MYO6: variants seen among roughly 807,000 people sequenced by gnomAD.
The protein encoded by MYO6 is unconventional myosin-VI.
Under a neutral mutation model 178.7 loss-of-function variants are expected in MYO6, and 74 were observed. That is an observed-to-expected ratio of 0.41 (90% confidence interval 0.34 to 0.50). MYO6 has a LOEUF of 0.50. MYO6 is among the 20% of genes least tolerant of loss of function. The pLI is 0.09. For synonymous variants in MYO6, 477 were observed against 504.6 expected (o/e 0.95, Z 0.73); for missense variants, 1,330 against 1,547.4 (o/e 0.86, Z 2.36).
At position 75,793,159 on chromosome 6, in the gene MYO6, GA is replaced by G. The variant is rs1768417861; in HGVS notation, c.-47-24338del. On this transcript the variant is annotated intron_variant, in intron 1 of 34. Coordinates refer to ENST00000369977, the MANE Select transcript of MYO6 (RefSeq NM_004999.4). ...GGGATTAGTCCTGTTTCCCCTTAGG[GA>G]AAATATTTCCAATTTTATAATGAAA... Among the ~76,000 whole-genome samples, 3 of 152,092 alleles carry G rather than the reference GA, an allele frequency of 2.0e-5. No homozygotes were observed. In the South Asian group the frequency reaches 6.2e-4, roughly 31 times the overall value.
At chr6:75,760,660 G>A (rs1226858665) in intron 1 of MYO6, among the ~76,000 whole-genome samples, 4 of 151,212 alleles carry the variant, frequency 2.6e-5, no homozygotes, top group Admixed American at 1.3e-4. Context: ...TTTTTAGAGA[G>A]TATGGTGAAA....
intron 1 of MYO6, among the ~76,000 whole-genome samples, chr6:75,750,117 A>G (rs1278288440): frequency 7.3e-6 from 1 of 136,776 alleles, no homozygotes; most frequent in Non-Finnish European, 1.6e-5. Flanking sequence ...TTTTTTTGAG[A>G]CGGAGCCTTG....
intron 30 of MYO6, among the ~76,000 whole-genome samples, chr6:75,900,752 T>C (rs1380486056): frequency 6.6e-6 from 1 of 151,912 alleles, no homozygotes; most frequent in Non-Finnish European, 1.5e-5. Flanking sequence ...ATCCCATTTG[T>C]CAATTTTGGC....
At chr6:75,821,105 G>A (rs571836752) in intron 2 of MYO6, among the ~76,000 whole-genome samples, 178 of 152,236 alleles carry the variant, frequency 1.2e-3, no homozygotes, top group African/African-American at 4.2e-3. Context: ...AATAAAGAAG[G>A]AGGGAGAGAA....
intron 1 of MYO6, among the ~76,000 whole-genome samples, chr6:75,803,209 T>C (rs1769665821): frequency 6.6e-6 from 1 of 152,222 alleles, no homozygotes; most frequent in African/African-American, 2.4e-5. Flanking sequence ...GTAATTTTCC[T>C]GGTATCAGTT....
chr6:75,751,140 T>G (rs1032221480), intron 1 of MYO6, among the ~76,000 whole-genome samples: 6 of 152,242 alleles, frequency 3.9e-5, no homozygotes, highest in African/African-American at 1.4e-4. Context: ...AGCCAGAGCT[T>G]GAAACCATGC....
At chr6:75,906,554 T>G (rs983913157) in intron 30 of MYO6, among the ~76,000 whole-genome samples, 1 of 152,020 alleles carries the variant, frequency 6.6e-6, no homozygotes. Context: ...TGGGTGCCTG[T>G]AGTCCCAGCT....
Position 75,913,925 on chromosome 6 carries a change from A to C in MYO6, c.3440-138A>C, listed in dbSNP as rs1780957229. 6 of 691,970 alleles carry C rather than the reference A, an allele frequency of 8.7e-6. No homozygotes were observed. In the East Asian group the frequency reaches 1.6e-4, roughly 19 times the overall value. 42.9% of individuals were successfully genotyped at this position (691,970 alleles called of 1,614,324 possible). A position where few individuals can be genotyped will look rare whatever the true frequency, so the allele number is the denominator to read the frequency against. On this transcript the variant is annotated intron_variant, in intron 33 of 34. Transcript: ENST00000369977. Reference sequence around the variant, plus strand: ...GAATTTTATTAATTTGTAGGCAATAAATATTTTCATTTTGTTTTAAATTTA... The same window carrying C: ...GAATTTTATTAATTTGTAGGCAATACATATTTTCATTTTGTTTTAAATTTA...
intron 1 of MYO6, among the ~76,000 whole-genome samples, chr6:75,769,598 C>T (rs1036221688): frequency 6.6e-6 from 1 of 152,194 alleles, no homozygotes; most frequent in African/African-American, 2.4e-5. Flanking sequence ...CCCTCTGCTG[C>T]TCTCAAGAAT....
chr6:75,845,043 T>C, intron 10 of MYO6, 66 bp downstream of exon 10: 1 of 1,330,318 alleles, frequency 7.5e-7, no homozygotes, highest in Non-Finnish European at 1.1e-6. Context: ...AGATGTGTTA[T>C]AATTTTTATT....
intron 20 of MYO6, among the ~76,000 whole-genome samples, chr6:75,879,018 T>G (rs1777791363): frequency 6.6e-6 from 1 of 152,232 alleles, no homozygotes; most frequent in African/African-American, 2.4e-5. Flanking sequence ...AAAGGCAGTC[T>G]TTATAGTGAA....
rs1057013733 is a variant in MYO6 at position 75,780,374 on chromosome 6, G to A, written c.-48+30951G>A. Reference sequence around the variant, plus strand: ...GAAGAATCACTGTAACCCAGGAGGCGGAGATTGCAGTGAGTCGAGATTGTG... The same window carrying A: ...GAAGAATCACTGTAACCCAGGAGGCAGAGATTGCAGTGAGTCGAGATTGTG... On this transcript the variant is annotated intron_variant, in intron 1 of 34. Coordinates refer to ENST00000369977, the MANE Select transcript of MYO6 (RefSeq NM_004999.4). 2.6e-5 allele frequency among the ~76,000 whole-genome samples: 4 copies of A among 152,296 alleles called. No homozygotes were observed. In the East Asian group the frequency reaches 5.8e-4, roughly 22 times the overall value.
chr6:75,821,171 C>G (rs1771834246), intron 2 of MYO6, among the ~76,000 whole-genome samples: 1 of 152,062 alleles, frequency 6.6e-6, no homozygotes, highest in Non-Finnish European at 1.5e-5. Context: ...TTTCTCATTC[C>G]AGCAACTCTT....
Position 75,907,769 on chromosome 6 carries a change from A to T in MYO6, c.3280+61A>T, listed in dbSNP as rs1780442736. Reference sequence around the variant, plus strand: ...TCATAGTGATAGGTGATAAATACCTAGATTAGGGTGAGGTGTGTGTGTGTA... The same window carrying T: ...TCATAGTGATAGGTGATAAATACCTTGATTAGGGTGAGGTGTGTGTGTGTA... On this transcript the variant is annotated intron_variant, in intron 31 of 34. Coordinates refer to ENST00000369977, the MANE Select transcript of MYO6 (RefSeq NM_004999.4). 3 of 1,291,496 alleles carry T rather than the reference A, an allele frequency of 2.3e-6. No homozygotes were observed. The East Asian group carries it at 7.0e-5, about 30-fold the overall frequency. The allele number at this position is 1,291,496 out of a possible 1,614,324, so 80.0% of individuals were successfully genotyped here.
chr6:75,809,141 T>C (rs934106792), intron 1 of MYO6, among the ~76,000 whole-genome samples: 2 of 152,236 alleles, frequency 1.3e-5, no homozygotes, highest in Admixed American at 6.5e-5. Context: ...GAGGGAGGCA[T>C]GTAACTTTTT....
intron 1 of MYO6, among the ~76,000 whole-genome samples, chr6:75,783,505 A>G (rs765544752): frequency 2.0e-5 from 3 of 150,688 alleles, no homozygotes; most frequent in African/African-American, 4.9e-5. Context: ...TAATAATGAC[A>G]TATTTTCCAG....
At chr6:75,823,978 TTGTC>T (rs1462951118) in intron 3 of MYO6, among the ~76,000 whole-genome samples, 1 of 152,200 alleles carries the variant, frequency 6.6e-6, no homozygotes, top group Admixed American at 6.5e-5. Flanking sequence ...GCTGGAGAGT[TTGTC>T]TGATTAAATA....
intron 7 of MYO6, 39 bp from the exon 8 acceptor site, chr6:75,840,546 C>A: frequency 7.5e-7 from 1 of 1,337,050 alleles, no homozygotes; most frequent in South Asian, 1.2e-5. Context: ...AATGTTCCGT[C>A]ATGCTAATTT....
intron 30 of MYO6, among the ~76,000 whole-genome samples, chr6:75,903,945 T>A (rs1780044914): frequency 6.6e-6 from 1 of 151,872 alleles, no homozygotes; most frequent in Non-Finnish European, 1.5e-5. Flanking sequence ...TCTCTCAGCA[T>A]TTGCTTGTCT....
Sources: gnomAD v4.1 joint callset for allele counts (sites outside exome capture counted in the v4.1 genomes callset) on GRCh38, gnomAD v4.1.1 for gene constraint, MANE v1.5 for transcripts, NCBI Gene and HGNC (gene_info 2026-07-23, HGNC 2026-07-21) for gene names.